Variants in KLF12 observed in about 807,000 individuals in gnomAD.
KLF12 encodes Krueppel-like factor 12.
Under a neutral mutation model 37.8 loss-of-function variants are expected in KLF12, and 9 were observed. The observed-to-expected ratio is 0.24, with a 90% CI of 0.14 to 0.42. The LOEUF (loss-of-function observed/expected upper bound fraction) is 0.42. KLF12 is among the 10% of genes least tolerant of loss of function. KLF12 has a pLI of 1.00. For missense variants in KLF12, 411 were observed against 516.0 expected, an observed-to-expected ratio of 0.80 and a Z score of 1.97; for synonymous variants, 208 against 202.1, an observed-to-expected ratio of 1.03 and a Z score of -0.25.
intron 2 of KLF12, among the ~76,000 whole-genome samples, chr13:73,975,339 T>C (rs1891482936): frequency 6.6e-6 from 1 of 152,318 alleles, no homozygotes; most frequent in Non-Finnish European, 1.5e-5. Flanking sequence ...AAAGATCTCA[T>C]TTTCCACACC....
intron 4 of KLF12, among the ~76,000 whole-genome samples, chr13:73,831,670 G>GT (rs948751878): frequency 2.0e-5 from 3 of 152,104 alleles, no homozygotes; most frequent in African/African-American, 7.2e-5. Flanking sequence ...TAATTTTGAC[G>GT]TTTTCTTTGC....
At chr13:73,744,778 T>C (rs1305290037) in intron 6 of KLF12, among the ~76,000 whole-genome samples, 2 of 152,108 alleles carry the variant, frequency 1.3e-5, no homozygotes, top group African/African-American at 4.8e-5. Context: ...AAAATAAAAC[T>C]GCAAGGTGAC....
chr13:73,926,123 A>C (rs1889363725), intron 3 of KLF12, among the ~76,000 whole-genome samples: 1 of 152,210 alleles, frequency 6.6e-6, no homozygotes, highest in Admixed American at 6.5e-5. Flanking sequence ...GTTTGAGAGG[A>C]CTGACTCCAA....
intron 1 of KLF12, among the ~76,000 whole-genome samples, chr13:74,007,027 G>T (rs892318647): frequency 6.6e-6 from 1 of 152,042 alleles, no homozygotes; most frequent in Admixed American, 6.5e-5. Context: ...AGAGGAAGGG[G>T]TTTCCTCCTC....
chr13:73,884,524 C>A (rs750229619), intron 3 of KLF12, among the ~76,000 whole-genome samples: 1 of 152,218 alleles, frequency 6.6e-6, no homozygotes, highest in Non-Finnish European at 1.5e-5. Flanking sequence ...TCTGGCCATA[C>A]CCCTCACCAC....
chr13:74,095,966 C>A (rs946647310), intron 1 of KLF12, among the ~76,000 whole-genome samples: 13 of 152,090 alleles, frequency 8.5e-5, no homozygotes, highest in African/African-American at 2.4e-5. Context: ...TTTGTAGAAT[C>A]GTCTGACAGA....
intron 6 of KLF12, 128 bp from the exon 7 acceptor site, chr13:73,715,653 G>A (rs1875747920): frequency 2.2e-6 from 2 of 908,208 alleles, no homozygotes; most frequent in African/African-American, 1.7e-5. Context: ...CACAGTTCTT[G>A]CTACCACTAT....
At chr13:73,883,075 T>A (rs1887056389) in intron 3 of KLF12, among the ~76,000 whole-genome samples, 2 of 152,210 alleles carry the variant, frequency 1.3e-5, no homozygotes, top group Admixed American at 1.3e-4. Flanking sequence ...TCAGAATTTC[T>A]TCTCCAAATA....
At chr13:74,305,902 A>T in the KLF12 span, among the ~76,000 whole-genome samples, 1 of 152,054 alleles carries the variant, frequency 6.6e-6, no homozygotes, top group Non-Finnish European at 1.5e-5. Context: ...TTGTTCAGAG[A>T]TAGTAAAATA....
chr13:74,263,932 T>C, the KLF12 span, among the ~76,000 whole-genome samples: 1,334 of 152,284 alleles, frequency 8.8e-3, 16 homozygotes, highest in African/African-American at 0.03. Context: ...CAGGTTTGTT[T>C]TTTTTCTAGG....
intron 4 of KLF12, among the ~76,000 whole-genome samples, chr13:73,826,977 C>T (rs917235929): frequency 4.7e-4 from 72 of 152,184 alleles, no homozygotes; most frequent in Admixed American, 3.7e-3. Context: ...AGATGGGTTT[C>T]ACCACATTGC....
chr13:74,157,151 TC>T, the KLF12 span, among the ~76,000 whole-genome samples: 1 of 152,228 alleles, frequency 6.6e-6, no homozygotes, highest in Non-Finnish European at 1.5e-5. Flanking sequence ...TGCCTAATTT[TC>T]TATTATATAG....
chr13:74,140,364 A>C, the KLF12 span, among the ~76,000 whole-genome samples: 2 of 152,160 alleles, frequency 1.3e-5, no homozygotes, highest in Middle Eastern at 3.2e-3. Flanking sequence ...CTCTACCAAA[A>C]ATAAAAAAAA....
At chr13:74,095,362 T>C (rs1875915291) in intron 1 of KLF12, among the ~76,000 whole-genome samples, 1 of 147,194 alleles carries the variant, frequency 6.8e-6, no homozygotes, top group Non-Finnish European at 1.5e-5. Flanking sequence ...TTTGTTACAG[T>C]GAATACTTGT....
chr13:74,038,476 A>G (rs1046066886), intron 1 of KLF12, among the ~76,000 whole-genome samples: 6 of 152,318 alleles, frequency 3.9e-5, no homozygotes, highest in African/African-American at 1.4e-4. Flanking sequence ...AAAGCAGTGC[A>G]GGAGGGAAGA....
chr13:74,192,978 T>TG, the KLF12 span, among the ~76,000 whole-genome samples: 1 of 145,760 alleles, frequency 6.9e-6, no homozygotes, highest in African/African-American at 2.6e-5. Flanking sequence ...GAACTTTTTC[T>TG]GTTTTTTTTT....
intron 3 of KLF12, among the ~76,000 whole-genome samples, chr13:73,908,878 A>G (rs7330973): frequency 0.011 from 1,618 of 152,252 alleles, 33 homozygotes; most frequent in African/African-American, 0.037. Context: ...ATGATTGTCT[A>G]TTTTATCCCT....
At chr13:73,895,261 T>C (rs1049105977) in intron 3 of KLF12, among the ~76,000 whole-genome samples, 3 of 152,246 alleles carry the variant, frequency 2.0e-5, no homozygotes, top group Non-Finnish European at 4.4e-5. Flanking sequence ...TGACAGAAGA[T>C]TTGTATAGAT....
At chr13:73,866,752 A>G (rs934583648) in intron 3 of KLF12, among the ~76,000 whole-genome samples, 21 of 152,180 alleles carry the variant, frequency 1.4e-4, no homozygotes, top group African/African-American at 4.8e-4. Flanking sequence ...ATGGAAATAC[A>G]AGAAAGAAAA....
Sources: allele counts gnomAD v4.1 joint callset (sites outside exome capture counted in the v4.1 genomes callset), GRCh38; gene constraint gnomAD v4.1.1; transcripts MANE v1.5; gene names NCBI Gene and HGNC (gene_info 2026-07-23, HGNC 2026-07-21).